The following JPH3 variants were observed in gnomAD, a reference collection of about 807,000 sequenced individuals.
The protein encoded by JPH3 is junctophilin 3.
A neutral mutation model predicts 59.6 loss-of-function variants in JPH3; 11 were observed. The observed-to-expected ratio is 0.18, with a 90% CI of 0.12 to 0.31. The LOEUF (loss-of-function observed/expected upper bound fraction) is 0.31, where lower values mean the gene tolerates loss of function less well. Ranked by LOEUF, JPH3 falls within the 10% of genes least tolerant of loss-of-function variation. JPH3 has a pLI of 1.00. For missense variants in JPH3, 1,202 were observed against 1,105.7 expected, an observed-to-expected ratio of 1.09 and a Z score of -1.24; for synonymous variants, 673 against 483.6, an observed-to-expected ratio of 1.39 and a Z score of -5.14.
At chr16:87,689,509 T>C in intron 3 of JPH3, 137 bp from the exon 4 acceptor site, 1 of 896,458 alleles carries the variant, frequency 1.1e-6, no homozygotes, top group South Asian at 1.7e-5. Flanking sequence ...TCCCCTCCCT[T>C]GCCTGCAGCC....
chr16:87,684,540 C>A (rs569346191), intron 3 of JPH3: 2 of 438,828 alleles, frequency 4.6e-6, no homozygotes, highest in Non-Finnish European at 8.3e-6. Flanking sequence ...CTGTCCCTGA[C>A]GGTGAATTCC....
chr16:87,682,802 T>G (rs28524800), intron 2 of JPH3, among the ~76,000 whole-genome samples: 87 of 152,128 alleles, frequency 5.7e-4, no homozygotes, highest in African/African-American at 2.0e-3. Flanking sequence ...AGTTTCCCCA[T>G]TGTTGGGGAA....
intron 1 of JPH3, among the ~76,000 whole-genome samples, chr16:87,620,107 G>A (rs904481250): frequency 1.3e-5 from 2 of 152,138 alleles, no homozygotes; most frequent in African/African-American, 4.8e-5. Flanking sequence ...CCAGCCCACA[G>A]TACTGCGTGG....
At chr16:87,695,229 C>T in intron 4 of JPH3, 1 of 440,156 alleles carries the variant, frequency 2.3e-6, no homozygotes, top group South Asian at 1.6e-5. Flanking sequence ...CACCTGGTGC[C>T]ACATGAGCTA....
chr16:87,681,924 C>G (rs749259380), intron 2 of JPH3, among the ~76,000 whole-genome samples: 1 of 152,148 alleles, frequency 6.6e-6, no homozygotes, highest in Non-Finnish European at 1.5e-5. Flanking sequence ...GGCCGCGCAT[C>G]TTTAGTTTTG....
Position 87,644,487 on chromosome 16 carries a change from C to A in JPH3, c.612C>A (p.Ser204=). The change falls in exon 2 of 5, where the codon TCC becomes TCA. Residue 204 remains serine, a synonymous_variant. Transcript: ENST00000284262. ...TCGTGCTCGTGGCCCACAGTGACTCCGAGATCCTCAAGAGCAAGAAGAAGG... is the reference window on the plus strand; with the variant it reads ...TCGTGCTCGTGGCCCACAGTGACTCAGAGATCCTCAAGAGCAAGAAGAAGG... The part of the protein sequence containing the change: ...GGFVLVAHSD[S]EILKSKKKGL... 6.2e-7 allele frequency: 1 copy of A among 1,612,924 alleles called. No homozygotes were observed. The highest frequency in any genetic ancestry group is 8.5e-7 in the Non-Finnish European group (1 of 1,179,846).
intron 2 of JPH3, among the ~76,000 whole-genome samples, chr16:87,677,939 C>T (rs947819436): frequency 4.6e-5 from 7 of 152,160 alleles, no homozygotes; most frequent in East Asian, 3.9e-4. Flanking sequence ...TGAAAAGTCA[C>T]GAAGGAACTG....
At chr16:87,672,647 CGAG>C (rs1033803862) in intron 2 of JPH3, among the ~76,000 whole-genome samples, 4 of 152,184 alleles carry the variant, frequency 2.6e-5, no homozygotes, top group Non-Finnish European at 5.9e-5. Context: ...GTGCGGGTGA[CGAG>C]GACACAGTCG....
chr16:87,610,156 C>T (rs1256170025), intron 1 of JPH3, among the ~76,000 whole-genome samples: 1 of 152,222 alleles, frequency 6.6e-6, no homozygotes, highest in Admixed American at 6.5e-5. Flanking sequence ...GGAGGCAGAG[C>T]TCAGGCAGTA....
intron 2 of JPH3, among the ~76,000 whole-genome samples, chr16:87,661,354 G>C (rs547546538): frequency 2.0e-5 from 3 of 152,236 alleles, no homozygotes; most frequent in Non-Finnish European, 4.4e-5. Context: ...ATTCACAGAC[G>C]GGTTCTGGGG....
chr16:87,659,452 A>AGTG (rs1216478041), intron 2 of JPH3, among the ~76,000 whole-genome samples: 1 of 151,436 alleles, frequency 6.6e-6, no homozygotes, highest in African/African-American at 2.4e-5. Flanking sequence ...GGCCAGGCAC[A>AGTG]GTGGCTCACG....
At chr16:87,621,028 G>A (rs945492472) in intron 1 of JPH3, among the ~76,000 whole-genome samples, 6 of 152,192 alleles carry the variant, frequency 3.9e-5, no homozygotes, top group Non-Finnish European at 8.8e-5. Flanking sequence ...GCATGGTGGC[G>A]GGCGCCTGTA....
intron 2 of JPH3, among the ~76,000 whole-genome samples, chr16:87,659,392 A>AG (rs1199906614): frequency 6.9e-6 from 1 of 145,840 alleles, no homozygotes; most frequent in African/African-American, 2.6e-5. Flanking sequence ...AAAAAGAAAA[A>AG]AAAAAAGAAA....
At position 87,604,879 on chromosome 16, in the gene JPH3, G is replaced by A. The variant is rs894522476; in HGVS notation, c.382+1351G>A. The A allele has an allele frequency of 2.7e-5, 11 of 407,276 alleles. No individual in the cohort carries two copies. The East Asian group carries it at 5.9e-4, about 22-fold the overall frequency. 25.2% of individuals were successfully genotyped at this position (407,276 alleles called of 1,614,324 possible). ...GGTCTCAGGCGGCCTTTTCTGTGCC[G>A]TTGTTGTTTTCATGGAGCAGGTTGG... is the stretch of plus-strand genomic sequence containing the variant. On this transcript the variant is annotated intron_variant, in intron 1 of 4. Transcript: ENST00000284262.
intron 2 of JPH3, among the ~76,000 whole-genome samples, chr16:87,655,271 G>A (rs1013085401): frequency 1.3e-5 from 2 of 152,176 alleles, no homozygotes; most frequent in East Asian, 1.9e-4. Flanking sequence ...GCCTCCCTGC[G>A]TGGCCACCAG....
intron 1 of JPH3, among the ~76,000 whole-genome samples, chr16:87,639,793 C>T (rs376363501): frequency 4.5e-4 from 68 of 152,258 alleles, no homozygotes; most frequent in African/African-American, 1.4e-3. Flanking sequence ...GCTTATTCCA[C>T]TGCATGACGG....
intron 1 of JPH3, among the ~76,000 whole-genome samples, chr16:87,632,588 C>G (rs1043921397): frequency 2.0e-5 from 3 of 152,122 alleles, no homozygotes; most frequent in Non-Finnish European, 4.4e-5. Context: ...CACCACTAAA[C>G]ACACTAATTT....
At chr16:87,663,767 G>A (rs758402793) in intron 2 of JPH3, among the ~76,000 whole-genome samples, 14 of 152,148 alleles carry the variant, frequency 9.2e-5, no homozygotes, top group Non-Finnish European at 1.9e-4. Context: ...AACTTACAGC[G>A]TTTTCAAGCC....
chr16:87,685,982 C>T (rs1474264508), intron 3 of JPH3, among the ~76,000 whole-genome samples: 1 of 152,126 alleles, frequency 6.6e-6, no homozygotes, highest in South Asian at 2.1e-4. Flanking sequence ...AGTCCTAGAT[C>T]CACGCGGCGT....
Sources: gnomAD v4.1 joint callset for allele counts (sites outside exome capture counted in the v4.1 genomes callset) on GRCh38, gnomAD v4.1.1 for gene constraint, MANE v1.5 for transcripts, NCBI Gene and HGNC (gene_info 2026-07-23, HGNC 2026-07-21) for gene names.